The following ASIC2 variants were observed in gnomAD, a reference collection of about 807,000 sequenced individuals.
ASIC2 encodes acid-sensing ion channel 2.
ASIC2 carries 25 observed loss-of-function variants against 57.3 expected under a neutral mutation model. The ratio of observed to expected loss-of-function variants is 0.44; its 90% CI spans 0.32 to 0.61. The LOEUF is 0.61. Ranked by LOEUF, ASIC2 falls within the 20% of genes least tolerant of loss-of-function variation. The probability of loss-of-function intolerance (pLI) is 0.06; values close to 1 mark genes in which losing one functional copy is unlikely to be tolerated. For synonymous variants in ASIC2, 319 were observed against 307.5 expected, an observed-to-expected ratio of 1.04 and a Z score of -0.39; for missense variants, 641 against 738.1, an observed-to-expected ratio of 0.87 and a Z score of 1.52.
rs141014285 is a variant in ASIC2 at position 33,433,561 on chromosome 17, G to C, written c.556-321494C>G. Among the ~76,000 whole-genome samples, 931 of 152,272 alleles carry C rather than the reference G, an allele frequency of 6.1e-3. 8 individuals carry two copies. Among genetic ancestry groups the C allele is most frequent in the African/African-American group, 0.021 (886 of 41,530 alleles). The stretch of plus-strand genomic sequence containing the variant: ...TCTTGAGGTCAGGAGTTCAAGACCA[G>C]CCTGGCCAACATGGTGAAACCCCGT... On this transcript the variant is annotated intron_variant, in intron 1 of 9. Transcript: ENST00000359872.
At chr17:34,087,230 T>G (rs370536905) in intron 1 of ASIC2, among the ~76,000 whole-genome samples, 2 of 151,884 alleles carry the variant, frequency 1.3e-5, no homozygotes, top group South Asian at 2.1e-4. Context: ...TTTAGGGCAG[T>G]CCTGGTGGTG....
chr17:33,934,351 G>A (rs913518548), intron 1 of ASIC2, among the ~76,000 whole-genome samples: 6 of 152,156 alleles, frequency 3.9e-5, no homozygotes, highest in Non-Finnish European at 7.3e-5. Context: ...GCATTTTCTT[G>A]TTACTTTAGC....
chr17:33,035,140 G>A (rs2091903769), intron 3 of ASIC2, among the ~76,000 whole-genome samples: 1 of 152,084 alleles, frequency 6.6e-6, no homozygotes, highest in Non-Finnish European at 1.5e-5. Flanking sequence ...ATTTCAGATG[G>A]TGTGATTTTC....
chr17:33,721,299 C>T (rs946155052), intron 1 of ASIC2, among the ~76,000 whole-genome samples: 3 of 152,182 alleles, frequency 2.0e-5, no homozygotes, highest in Non-Finnish European at 2.9e-5. Flanking sequence ...TCATTGCGCT[C>T]ACCAGGATTT....
intron 1 of ASIC2, among the ~76,000 whole-genome samples, chr17:33,993,395 C>T (rs1205194686): frequency 6.6e-6 from 1 of 152,174 alleles, no homozygotes; most frequent in Non-Finnish European, 1.5e-5. Flanking sequence ...GTCACTGGTA[C>T]ATGCCCATGA....
At chr17:33,435,023 C>T (rs976715203) in intron 1 of ASIC2, among the ~76,000 whole-genome samples, 1 of 152,032 alleles carries the variant, frequency 6.6e-6, no homozygotes, top group Middle Eastern at 3.2e-3. Flanking sequence ...AATCTTATCT[C>T]CTAAGTACTC....
chr17:33,641,657 A>T (rs964601428), intron 1 of ASIC2, among the ~76,000 whole-genome samples: 2 of 152,206 alleles, frequency 1.3e-5, no homozygotes, highest in African/African-American at 4.8e-5. Flanking sequence ...TTGCAGCTGA[A>T]TGGAATCACT....
chr17:33,806,572 C>T (rs150383870), intron 1 of ASIC2, among the ~76,000 whole-genome samples: 1 of 152,218 alleles, frequency 6.6e-6, no homozygotes, highest in Non-Finnish European at 1.5e-5. Context: ...AAGGATATTG[C>T]AACGAATTAT....
intron 1 of ASIC2, among the ~76,000 whole-genome samples, chr17:33,633,400 G>A (rs1241190753): frequency 1.3e-5 from 2 of 152,196 alleles, no homozygotes; most frequent in Non-Finnish European, 2.9e-5. Flanking sequence ...AGATAGCAAG[G>A]AAGGACCGGT....
At chr17:34,070,611 A>G (rs906288267) in intron 1 of ASIC2, 2 of 152,116 alleles carry the variant, frequency 1.3e-5, no homozygotes, top group Non-Finnish European at 2.9e-5. Flanking sequence ...TAGCATAGAG[A>G]TACAAGATGG....
intron 1 of ASIC2, among the ~76,000 whole-genome samples, chr17:33,791,179 G>T (rs1911758970): frequency 6.6e-6 from 1 of 152,222 alleles, no homozygotes; most frequent in Non-Finnish European, 1.5e-5. Context: ...GAGGATTTAT[G>T]TCAAAGTCAT....
intron 1 of ASIC2, among the ~76,000 whole-genome samples, chr17:33,340,538 T>C (rs74703628): frequency 2.3e-5 from 1 of 43,306 alleles, no homozygotes; most frequent in Admixed American, 2.3e-4. Flanking sequence ...TTGGCTAACA[T>C]TAGTTTAGAC....
chr17:33,659,992 G>A (rs1351602817), intron 1 of ASIC2, among the ~76,000 whole-genome samples: 2 of 152,006 alleles, frequency 1.3e-5, no homozygotes, highest in Non-Finnish European at 1.5e-5. Flanking sequence ...GCTGAGGCAG[G>A]AGGATTGCTT....
At chr17:33,518,292 A>G (rs1340250037) in intron 1 of ASIC2, among the ~76,000 whole-genome samples, 3 of 152,236 alleles carry the variant, frequency 2.0e-5, no homozygotes, top group Non-Finnish European at 4.4e-5. Context: ...TGGCGTTTGA[A>G]GCCAATGGAA....
At chr17:33,228,918 G>A (rs1907986388) in intron 1 of ASIC2, among the ~76,000 whole-genome samples, 1 of 152,190 alleles carries the variant, frequency 6.6e-6, no homozygotes, top group South Asian at 2.1e-4. Flanking sequence ...TCTCAGAGCT[G>A]CTAAGACAGA....
intron 1 of ASIC2, among the ~76,000 whole-genome samples, chr17:33,717,392 G>C (rs890761343): frequency 6.6e-6 from 1 of 152,200 alleles, no homozygotes; most frequent in African/African-American, 2.4e-5. Context: ...TTAGCACATG[G>C]TCTGACTATT....
chr17:33,553,812 C>G (rs6505351), intron 1 of ASIC2, among the ~76,000 whole-genome samples: 86,133 of 151,972 alleles, frequency 0.57, 25,564 homozygotes, highest in African/African-American at 0.75. Flanking sequence ...TAGGCTAAGA[C>G]AGATAAAATA....
intron 1 of ASIC2, among the ~76,000 whole-genome samples, chr17:33,737,319 C>T (rs531577395): frequency 6.6e-6 from 1 of 152,224 alleles, no homozygotes; most frequent in South Asian, 2.1e-4. Context: ...AGAGGTGTCC[C>T]TGGTTTGTTC....
intron 3 of ASIC2, among the ~76,000 whole-genome samples, chr17:33,051,245 T>C (rs914495602): frequency 2.6e-5 from 4 of 152,102 alleles, no homozygotes; most frequent in Non-Finnish European, 5.9e-5. Flanking sequence ...AAAGGCAAAG[T>C]GATTTTCTAG....
Sources: gnomAD v4.1 joint callset for allele counts (sites outside exome capture counted in the v4.1 genomes callset) on GRCh38, gnomAD v4.1.1 for gene constraint, MANE v1.5 for transcripts, NCBI Gene and HGNC (gene_info 2026-07-23, HGNC 2026-07-21) for gene names.